PTPRD: variants seen among roughly 807,000 people sequenced by gnomAD.
PTPRD encodes receptor-type tyrosine-protein phosphatase delta.
A neutral mutation model predicts 214.5 loss-of-function variants in PTPRD; 34 were observed. The ratio of observed to expected loss-of-function variants is 0.16; its 90% CI spans 0.12 to 0.21. The LOEUF is 0.21. Ranked by LOEUF, PTPRD falls within the 10% of genes least tolerant of loss-of-function variation. The pLI, the probability that PTPRD is intolerant of heterozygous loss-of-function variation, is 1.00. For synonymous variants in PTPRD, 1,128 were observed against 845.7 expected (o/e 1.33, Z -5.79); for missense variants, 2,545 against 2,398.7 (o/e 1.06, Z -1.27).
chr9:10,293,108 A>G (rs2154401479), intron 3 of PTPRD, among the ~76,000 whole-genome samples: 1 of 152,082 alleles, frequency 6.6e-6, no homozygotes, highest in African/African-American at 2.4e-5. Context: ...CAGTAGTATA[A>G]CCAGGATCAT....
rs185607088 is a variant in PTPRD, at chr9:9,422,620, A to T, written c.-236-25138T>A. 3.9e-5 allele frequency among the ~76,000 whole-genome samples: 6 copies of T among 152,242 alleles called. No individual in the cohort carries two copies. In the East Asian group the frequency reaches 1.2e-3, roughly 29 times the overall value. On this transcript the variant is annotated intron_variant, in intron 8 of 45. Transcript: ENST00000381196. ...TTTCTTAAGCAGTTACCAGGTAGAG[A>T]CAGTGATGTCAGATAGACGCTGCCA...
At chr9:8,942,269 C>G (rs556286364) in intron 11 of PTPRD, among the ~76,000 whole-genome samples, 1 of 152,180 alleles carries the variant, frequency 6.6e-6, no homozygotes, top group Admixed American at 6.5e-5. Flanking sequence ...ATACTTTTTT[C>G]TGGTGCAATT....
chr9:8,348,421 C>A (rs916871571), intron 39 of PTPRD, among the ~76,000 whole-genome samples: 1 of 151,990 alleles, frequency 6.6e-6, no homozygotes, highest in Non-Finnish European at 1.5e-5. Context: ...TACATATGAC[C>A]AACAACTTGG....
chr9:10,473,546 G>A (rs1462545740), intron 2 of PTPRD, among the ~76,000 whole-genome samples: 2 of 152,094 alleles, frequency 1.3e-5, no homozygotes, highest in Non-Finnish European at 2.9e-5. Flanking sequence ...ACACATATGT[G>A]TTTGTATGGA....
intron 11 of PTPRD, among the ~76,000 whole-genome samples, chr9:8,755,758 G>T (rs2093947705): frequency 6.6e-6 from 1 of 152,024 alleles, no homozygotes; most frequent in African/African-American, 2.4e-5. Flanking sequence ...TGATCACTAA[G>T]AATAATAAAA....
intron 12 of PTPRD, among the ~76,000 whole-genome samples, chr9:8,657,638 A>G (rs1458246983): frequency 6.6e-6 from 1 of 152,084 alleles, no homozygotes; most frequent in East Asian, 1.9e-4. Context: ...CTTTAGTTTA[A>G]TTAGATCCCA....
intron 14 of PTPRD, among the ~76,000 whole-genome samples, chr9:8,602,221 T>C (rs926827581): frequency 6.6e-6 from 1 of 152,190 alleles, no homozygotes; most frequent in South Asian, 2.1e-4. Context: ...TAGTTCTAAA[T>C]AGAAAACTGT....
chr9:9,285,819 G>A (rs1316600103), intron 9 of PTPRD, among the ~76,000 whole-genome samples: 1 of 151,636 alleles, frequency 6.6e-6, no homozygotes, highest in Non-Finnish European at 1.5e-5. Flanking sequence ...TGCTTTCATG[G>A]CCTCAACTAC....
At chr9:9,731,183 A>AT (rs904595583) in intron 7 of PTPRD, among the ~76,000 whole-genome samples, 11 of 151,890 alleles carry the variant, frequency 7.2e-5, no homozygotes, top group South Asian at 4.1e-4. Context: ...CAGAGTAAAT[A>AT]TTTTTTTTAC....
chr9:10,291,695 A>C (rs1210738153), intron 3 of PTPRD, among the ~76,000 whole-genome samples: 1 of 152,076 alleles, frequency 6.6e-6, no homozygotes, highest in East Asian at 1.9e-4. Flanking sequence ...AGCAGCCCTG[A>C]AGATACCTTC....
intron 17 of PTPRD, among the ~76,000 whole-genome samples, chr9:8,526,347 G>C (rs557926359): frequency 6.6e-6 from 1 of 151,880 alleles, no homozygotes. Flanking sequence ...GCTGTGACTG[G>C]TCTGTGGTCT....
intron 3 of PTPRD, among the ~76,000 whole-genome samples, chr9:10,272,308 T>C (rs1339518600): frequency 6.6e-6 from 1 of 152,248 alleles, no homozygotes; most frequent in Non-Finnish European, 1.5e-5. Context: ...GCCAATAATA[T>C]TCCATTTTAT....
chr9:9,380,265 G>A (rs1254227216), intron 9 of PTPRD, among the ~76,000 whole-genome samples: 2 of 152,008 alleles, frequency 1.3e-5, no homozygotes, highest in East Asian at 3.9e-4. Context: ...TTGATAAGTT[G>A]TGTTTTCATT....
At chr9:10,278,469 ACT>A (rs1453775468) in intron 3 of PTPRD, among the ~76,000 whole-genome samples, 2 of 152,170 alleles carry the variant, frequency 1.3e-5, no homozygotes, top group Non-Finnish European at 2.9e-5. Context: ...AAATCAGACA[ACT>A]TCTGGCTTCA....
intron 2 of PTPRD, among the ~76,000 whole-genome samples, chr9:10,588,280 C>T (rs550399677): frequency 1.3e-5 from 2 of 151,922 alleles, no homozygotes; most frequent in African/African-American, 4.8e-5. Context: ...TAAGGTAGTG[C>T]AAAGTACATG....
At chr9:9,309,845 G>C (rs1434762633) in intron 9 of PTPRD, among the ~76,000 whole-genome samples, 2 of 152,126 alleles carry the variant, frequency 1.3e-5, no homozygotes, top group Non-Finnish European at 2.9e-5. Context: ...TCTTGGAATA[G>C]TGGCTCTATT....
At chr9:9,740,549 G>C (rs755477089) in intron 6 of PTPRD, among the ~76,000 whole-genome samples, 1 of 151,966 alleles carries the variant, frequency 6.6e-6, no homozygotes. Context: ...TTTTAGTAGA[G>C]ACGGGGTTTC....
At chr9:10,351,818 A>G (rs2097188362) in intron 2 of PTPRD, among the ~76,000 whole-genome samples, 1 of 152,072 alleles carries the variant, frequency 6.6e-6, no homozygotes, top group African/African-American at 2.4e-5. Context: ...GGCCTAGAAC[A>G]TAATAGACAC....
chr9:9,195,217 C>G (rs2099937800), intron 9 of PTPRD, among the ~76,000 whole-genome samples: 1 of 151,528 alleles, frequency 6.6e-6, no homozygotes, highest in East Asian at 1.9e-4. Flanking sequence ...GAGCATACAT[C>G]TTGGATAAAA....
Sources: allele counts gnomAD v4.1 joint callset (sites outside exome capture counted in the v4.1 genomes callset), GRCh38; gene constraint gnomAD v4.1.1; transcripts MANE v1.5; gene names NCBI Gene and HGNC (gene_info 2026-07-23, HGNC 2026-07-21).